The following WWTR1 variants were observed in gnomAD, a reference collection of about 807,000 sequenced individuals.
WWTR1 encodes the protein WW domain-containing transcription regulator protein 1.
WWTR1 carries 13 observed loss-of-function variants against 40.1 expected under a neutral mutation model. The observed-to-expected ratio is 0.32, with a 90% CI of 0.21 to 0.52. The LOEUF (loss-of-function observed/expected upper bound fraction) is 0.52. Ranked by LOEUF, WWTR1 falls within the 20% of genes least tolerant of loss-of-function variation. The pLI is 0.97. For missense variants in WWTR1, 436 were observed against 523.1 expected (o/e 0.83, Z 1.63); for synonymous variants, 230 against 210.1 (o/e 1.09, Z -0.82).
chr3:149,602,800 G>A (rs114396173), intron 2 of WWTR1, among the ~76,000 whole-genome samples: 1,913 of 152,114 alleles, frequency 0.013, 40 homozygotes, highest in African/African-American at 0.044. Context: ...GAGTTGCTGG[G>A]ATTACAGCAT....
At chr3:149,590,504 A>G (rs1738649083) in intron 2 of WWTR1, among the ~76,000 whole-genome samples, 1 of 151,926 alleles carries the variant, frequency 6.6e-6, no homozygotes, top group Non-Finnish European at 1.5e-5. Context: ...ACAAAAATTC[A>G]CCAGGCATGG....
chr3:149,655,769 G>C (rs1713173578), intron 2 of WWTR1, among the ~76,000 whole-genome samples: 2 of 152,168 alleles, frequency 1.3e-5, no homozygotes, highest in Non-Finnish European at 2.9e-5. Context: ...TTCATTCTTA[G>C]GGCTCTCTCA....
chr3:149,662,175 G>GT (rs1421754888), upstream of WWTR1, among the ~76,000 whole-genome samples: 2 of 146,682 alleles, frequency 1.4e-5, no homozygotes, highest in African/African-American at 5.5e-5. Context: ...ATGAAACCAT[G>GT]TTAAAAAAAA....
intron 3 of WWTR1, among the ~76,000 whole-genome samples, chr3:149,548,605 AC>A: frequency 6.6e-6 from 1 of 152,354 alleles, no homozygotes; most frequent in South Asian, 2.1e-4. Context: ...CATGGAAAGA[AC>A]AGCTGGCGCC....
At chr3:149,624,979 C>A (rs1740476751) in intron 2 of WWTR1, among the ~76,000 whole-genome samples, 1 of 151,966 alleles carries the variant, frequency 6.6e-6, no homozygotes, top group East Asian at 1.9e-4. Context: ...GATCCACACA[C>A]CTCAGCCTCC....
chr3:149,589,276 T>C (rs1200828115), intron 2 of WWTR1, among the ~76,000 whole-genome samples: 1 of 152,224 alleles, frequency 6.6e-6, no homozygotes, highest in Non-Finnish European at 1.5e-5. Context: ...GGCTAAAATA[T>C]ATTTGACTGT....
intron 2 of WWTR1, among the ~76,000 whole-genome samples, chr3:149,601,828 C>T (rs956954588): frequency 6.6e-6 from 1 of 152,044 alleles, no homozygotes. Context: ...ACCGACAATG[C>T]TAAAGGCAGT....
chr3:149,562,294 CAA>C (rs11446637), intron 3 of WWTR1, among the ~76,000 whole-genome samples: 7 of 94,062 alleles, frequency 7.4e-5, no homozygotes, highest in African/African-American at 1.6e-4. Context: ...GATTCTGTCT[CAA>C]AAAAAAAAAA....
At chr3:149,548,957 C>A (rs991835748) in intron 3 of WWTR1, among the ~76,000 whole-genome samples, 10 of 152,090 alleles carry the variant, frequency 6.6e-5, no homozygotes, top group African/African-American at 1.9e-4. Flanking sequence ...ACTTCGGTTC[C>A]AACAATAATA....
At chr3:149,692,792 C>T (rs1714867425) in intron 1 of WWTR1, among the ~76,000 whole-genome samples, 1 of 152,124 alleles carries the variant, frequency 6.6e-6, no homozygotes, top group Non-Finnish European at 1.5e-5. Context: ...GGCCACTGCA[C>T]ACAGCTAATT....
rs185638562 is a variant in WWTR1 at position 149,626,473 on chromosome 3, A to G, written c.431+30403T>C. Among the ~76,000 whole-genome samples, 49 of 152,116 alleles carry G rather than the reference A, an allele frequency of 3.2e-4. 1 individual carries two copies. The highest frequency in any genetic ancestry group is 2.1e-4 in the South Asian group (1 of 4,806). On this transcript the variant is annotated intron_variant, in intron 2 of 6. Transcript: ENST00000360632. ...TTGTTTGAGCTAGAATTTAAAGAGA[A>G]TGTTTGCATTCAAGTATATACATAT...
At chr3:149,623,053 T>A (rs35896828) in intron 2 of WWTR1, among the ~76,000 whole-genome samples, 14,298 of 152,166 alleles carry the variant, frequency 0.094, 1,420 homozygotes, top group East Asian at 0.45. Flanking sequence ...TCAGGATGCA[T>A]CTTAAAAATC....
At chr3:149,578,037 T>C (rs964034847) in intron 2 of WWTR1, among the ~76,000 whole-genome samples, 15 of 114,586 alleles carry the variant, frequency 1.3e-4, no homozygotes, top group Non-Finnish European at 2.2e-4. Flanking sequence ...TGACAATCCA[T>C]TCACTATCTC....
chr3:149,555,751 A>G (rs376032546), intron 3 of WWTR1, among the ~76,000 whole-genome samples: 8 of 152,202 alleles, frequency 5.3e-5, no homozygotes, highest in African/African-American at 1.9e-4. Context: ...TCACCTAGCT[A>G]TTCATTTCCC....
At chr3:149,667,053 G>A (rs894621677) in intron 2 of WWTR1, among the ~76,000 whole-genome samples, 2 of 152,182 alleles carry the variant, frequency 1.3e-5, no homozygotes, top group Non-Finnish European at 2.9e-5. Context: ...AAACTTAAAT[G>A]TGTTGGAGGT....
chr3:149,606,952 C>T (rs973494882), intron 2 of WWTR1, among the ~76,000 whole-genome samples: 2 of 152,152 alleles, frequency 1.3e-5, no homozygotes, highest in African/African-American at 4.8e-5. Context: ...AGAGCAAAGC[C>T]GGGGTGGCCT....
chr3:149,622,498 GAAGGAAGAAAGAAAGAAAGA>G (rs1337547610), intron 2 of WWTR1, among the ~76,000 whole-genome samples: 2,408 of 50,702 alleles, frequency 0.047, 43 homozygotes, highest in Non-Finnish European at 0.07. Context: ...AGGAAGGAAG[GAAGGAAGAAAGAAAGAAAGA>G]AAGAAAGAAA....
At chr3:149,658,150 T>G (rs930895065), upstream of WWTR1, 2 of 153,718 alleles carry the variant, frequency 1.3e-5, no homozygotes, top group Non-Finnish European at 2.9e-5. Context: ...GCCCCTCCTC[T>G]TCCTCCTCCT....
intron 2 of WWTR1, among the ~76,000 whole-genome samples, chr3:149,586,636 C>T (rs574642934): frequency 6.6e-6 from 1 of 152,124 alleles, no homozygotes; most frequent in Non-Finnish European, 1.5e-5. Context: ...ATAGGAACTT[C>T]TCTTGTTTTA....
Sources: allele counts gnomAD v4.1 joint callset (sites outside exome capture counted in the v4.1 genomes callset), GRCh38; gene constraint gnomAD v4.1.1; transcripts MANE v1.5; gene names NCBI Gene and HGNC (gene_info 2026-07-23, HGNC 2026-07-21).